ADRA1B: variants seen among roughly 807,000 people sequenced by gnomAD.
The protein encoded by ADRA1B is alpha-1B adrenergic receptor.
A neutral mutation model predicts 17.9 loss-of-function variants in ADRA1B; 17 were observed. The observed-to-expected ratio is 0.95, with a 90% CI of 0.65 to 1.42. The LOEUF is 1.42. Ranked by LOEUF, ADRA1B falls within the 40% of genes most tolerant of loss-of-function variation. ADRA1B has a pLI of 0.00. For synonymous variants in ADRA1B, 366 were observed against 327.6 expected, an observed-to-expected ratio of 1.12 and a Z score of -1.27; for missense variants, 681 against 722.1, an observed-to-expected ratio of 0.94 and a Z score of 0.65.
rs556521235 is a variant in ADRA1B at position 159,866,322 on chromosome 5, G to A, written c.-256+1116G>A. Among the ~76,000 whole-genome samples the A allele has an allele frequency of 3.8e-4, 56 of 148,382 alleles. 1 individual carries two copies. The highest frequency in any genetic ancestry group is 1.1e-3 in the African/African-American group (46 of 40,352). ...AAAAAAAAAAAAAAAAAGATGCACCGGGCACAGTGGCTCACACCTGTAATG... is the reference window on the plus strand; with the variant it reads ...AAAAAAAAAAAAAAAAAGATGCACCAGGCACAGTGGCTCACACCTGTAATG... On this transcript the variant is annotated intron_variant, in intron 1 of 2. Coordinates refer to the ADRA1B transcript ENST00000641205.
chr5:159,909,692 T>C (rs1434865806), intron 1 of ADRA1B, among the ~76,000 whole-genome samples: 2 of 152,272 alleles, frequency 1.3e-5, no homozygotes, highest in Admixed American at 1.3e-4. Context: ...ATCAATTCAC[T>C]ACATTCAGTT....
intron 1 of ADRA1B, among the ~76,000 whole-genome samples, chr5:159,929,946 C>T (rs1044132250): frequency 2.0e-5 from 3 of 152,238 alleles, no homozygotes; most frequent in African/African-American, 4.8e-5. Context: ...TGTGTGTTTT[C>T]ACTCTGTTTA....
chr5:159,965,845 A>T (rs58460469), intron 1 of ADRA1B, among the ~76,000 whole-genome samples: 32,885 of 151,156 alleles, frequency 0.22, 3,739 homozygotes, highest in Middle Eastern at 0.27. Flanking sequence ...TTATTTATTT[A>T]TTTATTTTTT....
intron 1 of ADRA1B, among the ~76,000 whole-genome samples, chr5:159,934,576 G>A (rs975769778): frequency 4.6e-5 from 7 of 151,972 alleles, no homozygotes; most frequent in East Asian, 1.9e-4. Context: ...AGTCCGAGGC[G>A]GGCGGATCAC....
At chr5:159,938,904 T>C (rs1021858697) in intron 1 of ADRA1B, among the ~76,000 whole-genome samples, 1 of 152,102 alleles carries the variant, frequency 6.6e-6, no homozygotes, top group African/African-American at 2.4e-5. Flanking sequence ...CTATCTAAAT[T>C]TGGGGGCAGC....
chr5:159,910,778 T>C (rs1416553237), intron 1 of ADRA1B, among the ~76,000 whole-genome samples: 1 of 152,250 alleles, frequency 6.6e-6, no homozygotes, highest in Admixed American at 6.5e-5. Flanking sequence ...TTTCTAGTTC[T>C]GACACTTCTG....
At chr5:159,912,871 A>G (rs1354615274), upstream of ADRA1B, among the ~76,000 whole-genome samples, 2 of 152,258 alleles carry the variant, frequency 1.3e-5, no homozygotes, top group Admixed American at 1.3e-4. Context: ...CATCTCCCAC[A>G]GCACCTAGCT....
At chr5:159,986,441 C>T in the ADRA1B span, among the ~76,000 whole-genome samples, 2 of 152,226 alleles carry the variant, frequency 1.3e-5, no homozygotes, top group Non-Finnish European at 2.9e-5. Flanking sequence ...AATTTGCACC[C>T]TCTGACTTGT....
chr5:159,971,986 AAGG>A lies in ADRA1B; in HGVS notation c.1060_1062del (p.Glu354del), dbSNP rs763264015. The A allele has an allele frequency of 6.1e-6, 9 of 1,477,018 alleles. No homozygotes were observed. Among genetic ancestry groups the A allele is most frequent in the South Asian group, 3.0e-5 (2 of 67,768 alleles). 91.5% of individuals were successfully genotyped at this position (1,477,018 alleles called of 1,614,324 possible). A position where few individuals can be genotyped will look rare whatever the true frequency, so the allele number is the denominator to read the frequency against. ...CCCCATCATCTACCCATGCTCCAGC[AAGG>A]AGTTCAAGCGCGCTTTCGTGCGCAT... On this transcript the variant is annotated inframe_deletion, in exon 2 of 2. Coordinates refer to ENST00000306675, the MANE Select transcript of ADRA1B (RefSeq NM_000679.4).
At chr5:159,925,696 C>T (rs1226562424) in intron 1 of ADRA1B, among the ~76,000 whole-genome samples, 1 of 152,158 alleles carries the variant, frequency 6.6e-6, no homozygotes, top group Non-Finnish European at 1.5e-5. Flanking sequence ...AAAGAAAAGA[C>T]TGTAAACCAC....
chr5:159,907,295 C>T (rs998497217), intron 1 of ADRA1B, among the ~76,000 whole-genome samples: 1 of 152,202 alleles, frequency 6.6e-6, no homozygotes, highest in Non-Finnish European at 1.5e-5. Flanking sequence ...AGCCCTGGCT[C>T]TCTGGATATG....
rs1422658619 is a variant in ADRA1B, at chr5:159,917,605, A to G, written c.700A>G (p.Thr234Ala). 6.2e-7 allele frequency: 1 copy of G among 1,613,920 alleles called. No individual in the cohort carries two copies. Among genetic ancestry groups the G allele is most frequent in the Non-Finnish European group, 8.5e-7 (1 of 1,180,010 alleles). Residue 234 changes from threonine (T) to alanine (A), a missense_variant, in exon 1 of 2, where the codon ACC becomes GCC. Transcript: ENST00000306675. ...TGTCTATATAGTGGCCAAGAGAACCACCAAGAACCTAGAGGCAGGAGTCAT... is the reference window on the plus strand; with the variant it reads ...TGTCTATATAGTGGCCAAGAGAACCGCCAAGAACCTAGAGGCAGGAGTCAT... ...CRVYIVAKRT[T>A]KNLEAGVMKE...
chr5:159,865,473 C>A (rs995018742), intron 1 of ADRA1B, among the ~76,000 whole-genome samples: 7 of 152,166 alleles, frequency 4.6e-5, no homozygotes, highest in African/African-American at 1.7e-4. Context: ...TGGTTTGTAG[C>A]CAACGCTGAT....
At chr5:159,933,782 G>T (rs1229036977) in intron 1 of ADRA1B, among the ~76,000 whole-genome samples, 1 of 152,234 alleles carries the variant, frequency 6.6e-6, no homozygotes, top group South Asian at 2.1e-4. Flanking sequence ...GTGGTTTGAG[G>T]CTCCAGGACT....
At chr5:159,940,699 C>T (rs1280004146) in intron 1 of ADRA1B, among the ~76,000 whole-genome samples, 3 of 152,130 alleles carry the variant, frequency 2.0e-5, no homozygotes, top group African/African-American at 7.2e-5. Flanking sequence ...AATGCATACA[C>T]ACACATGCAT....
intron 1 of ADRA1B, among the ~76,000 whole-genome samples, chr5:159,919,470 C>T (rs777254965): frequency 5.3e-5 from 8 of 152,204 alleles, no homozygotes; most frequent in African/African-American, 1.7e-4. Context: ...TCAGTTTCTT[C>T]GTCTACAAAA....
chr5:159,931,001 T>C (rs946215072), intron 1 of ADRA1B, among the ~76,000 whole-genome samples: 1 of 147,408 alleles, frequency 6.8e-6, no homozygotes, highest in Admixed American at 6.8e-5. Flanking sequence ...ATATATATTT[T>C]ATAATATTTA....
At chr5:159,868,193 A>C (rs1753686920) in intron 1 of ADRA1B, 1 of 152,256 alleles carries the variant, frequency 6.6e-6, no homozygotes, top group Non-Finnish European at 1.5e-5. Flanking sequence ...AGGCAAAACA[A>C]GTAAAGTACT....
In ADRA1B at chr5:159,949,144, C is replaced by T. The variant is rs1033817161; in HGVS notation, c.950-22735C>T. ...TAAAACTGTAAGGCTTTTGAATCAC[C>T]TTACTCAATTACCCTCCAGAAAGCA... On this transcript the variant is annotated intron_variant, in intron 1 of 1. Coordinates refer to ENST00000306675, the MANE Select transcript of ADRA1B (RefSeq NM_000679.4). Among the ~76,000 whole-genome samples, 8 of 152,200 alleles carry T rather than the reference C, an allele frequency of 5.3e-5. No homozygotes were observed. In the South Asian group the frequency reaches 1.0e-3, roughly 20 times the overall value.
Sources: gnomAD v4.1 joint callset for allele counts (sites outside exome capture counted in the v4.1 genomes callset) on GRCh38, gnomAD v4.1.1 for gene constraint, MANE v1.5 for transcripts, NCBI Gene and HGNC (gene_info 2026-07-23, HGNC 2026-07-21) for gene names.